Variants in UGGT2 observed in about 807,000 individuals in gnomAD.
UGGT2 encodes UDP-glucose:glycoprotein glucosyltransferase 2.
Under a neutral mutation model 192.1 loss-of-function variants are expected in UGGT2, and 180 were observed. The ratio of observed to expected loss-of-function variants is 0.94; its 90% CI spans 0.83 to 1.06. UGGT2 has a LOEUF of 1.06. Among genes scored for constraint, UGGT2 ranks in the 50% least tolerant of loss-of-function variants. The pLI is 0.00. For missense variants in UGGT2, 1,849 were observed against 1,795.7 expected, an observed-to-expected ratio of 1.03 and a Z score of -0.54; for synonymous variants, 580 against 591.0, an observed-to-expected ratio of 0.98 and a Z score of 0.27.
At chr13:95,895,713 T>C (rs1172316859) in intron 22 of UGGT2, among the ~76,000 whole-genome samples, 1 of 152,078 alleles carries the variant, frequency 6.6e-6, no homozygotes, top group Non-Finnish European at 1.5e-5. Context: ...AAAAATCTTT[T>C]AATTTCAATT....
At chr13:96,046,778 C>T (rs780513567) in intron 1 of UGGT2, among the ~76,000 whole-genome samples, 37 of 152,312 alleles carry the variant, frequency 2.4e-4, no homozygotes, top group East Asian at 1.5e-3. Context: ...CCTAATACTG[C>T]GCTTTTCCAA....
intron 15 of UGGT2, among the ~76,000 whole-genome samples, chr13:95,941,371 A>G (rs1359664308): frequency 1.3e-5 from 2 of 152,180 alleles, no homozygotes; most frequent in African/African-American, 4.8e-5. Flanking sequence ...TTTGTACCCT[A>G]TTCCTTTAAG....
intron 17 of UGGT2, among the ~76,000 whole-genome samples, chr13:95,935,167 T>A (rs1173539440): frequency 1.3e-5 from 2 of 152,342 alleles, no homozygotes; most frequent in East Asian, 3.9e-4. Context: ...CTGTGCCTTT[T>A]AAGTGAGGCA....
At chr13:96,037,617 CTG>C (rs1005416874) in intron 1 of UGGT2, among the ~76,000 whole-genome samples, 3 of 151,964 alleles carry the variant, frequency 2.0e-5, no homozygotes, top group East Asian at 1.9e-4. Context: ...TGAAAAATAT[CTG>C]TGTGTGTGTG....
In UGGT2 at chr13:95,956,537, T is replaced by C. The variant is rs574162051; in HGVS notation, c.1336-7083A>G. ...TATTCCTCTAGAGAAGATATACAAATGGCCAACAGGTATTATGAATCAATG... is the reference window on the plus strand; with the variant it reads ...TATTCCTCTAGAGAAGATATACAAACGGCCAACAGGTATTATGAATCAATG... On this transcript the variant is annotated intron_variant, in intron 12 of 38. Coordinates refer to ENST00000376747, the MANE Select transcript of UGGT2 (RefSeq NM_020121.4). Among the ~76,000 whole-genome samples the C allele has an allele frequency of 3.1e-3, 472 of 152,286 alleles. 1 individual carries two copies. The highest frequency in any genetic ancestry group is 5.7e-3 in the Non-Finnish European group (390 of 68,022).
Position 96,000,146 on chromosome 13 carries a change from C to G in UGGT2, c.661-839G>C, listed in dbSNP as rs186381618. ...TGGCACATCTCAAGGGGTTAGAAAACAACTTTAACCTAGAGCTCAGCAAAC... is the reference window on the plus strand; with the variant it reads ...TGGCACATCTCAAGGGGTTAGAAAAGAACTTTAACCTAGAGCTCAGCAAAC... On this transcript the variant is annotated intron_variant, in intron 5 of 38. Coordinates refer to ENST00000376747, the MANE Select transcript of UGGT2 (RefSeq NM_020121.4). 3.3e-5 allele frequency among the ~76,000 whole-genome samples: 5 copies of G among 152,266 alleles called. No individual in the cohort carries two copies. In the East Asian group the frequency reaches 9.7e-4, roughly 29 times the overall value.
intron 29 of UGGT2, among the ~76,000 whole-genome samples, chr13:95,876,228 T>C (rs1891666388): frequency 6.6e-6 from 1 of 152,198 alleles, no homozygotes; most frequent in African/African-American, 2.4e-5. Context: ...AAATTGAATA[T>C]AACCCAGGGA....
At chr13:95,882,846 C>T (rs971865326) in intron 27 of UGGT2, among the ~76,000 whole-genome samples, 4 of 152,226 alleles carry the variant, frequency 2.6e-5, no homozygotes, top group African/African-American at 9.6e-5. Context: ...CCACTACAAA[C>T]ACTTCACAGT....
intron 15 of UGGT2, among the ~76,000 whole-genome samples, chr13:95,941,674 A>G (rs576965655): frequency 6.6e-6 from 1 of 152,356 alleles, no homozygotes; most frequent in Non-Finnish European, 1.5e-5. Flanking sequence ...TTACTCAGAC[A>G]TATCAACTCA....
At chr13:95,907,133 C>T (rs2048317157) in intron 20 of UGGT2, among the ~76,000 whole-genome samples, 1 of 152,206 alleles carries the variant, frequency 6.6e-6, no homozygotes, top group Non-Finnish European at 1.5e-5. Flanking sequence ...GCAGGTCCCA[C>T]ACCCACGGAG....
chr13:95,870,540 C>A (rs1160036350), intron 29 of UGGT2, among the ~76,000 whole-genome samples: 1 of 152,160 alleles, frequency 6.6e-6, no homozygotes, highest in East Asian at 1.9e-4. Context: ...GTGTTGCTGG[C>A]AGCAGCTTCT....
At chr13:95,902,734 T>A (rs2048143974) in intron 21 of UGGT2, 120 bp downstream of exon 21, 4 of 958,666 alleles carry the variant, frequency 4.2e-6, no homozygotes, top group Middle Eastern at 3.3e-4. Context: ...TGAAAAGGAA[T>A]GTTTATTATC....
At position 95,849,585 on chromosome 13, in the gene UGGT2, AT is replaced by A. The variant is rs1228536161; in HGVS notation, c.4284+3957del. Among the ~76,000 whole-genome samples, 5 of 151,486 alleles carry A rather than the reference AT, an allele frequency of 3.3e-5. No homozygotes were observed. In the East Asian group the frequency reaches 7.7e-4, roughly 23 times the overall value. On this transcript the variant is annotated intron_variant, in intron 36 of 38. Coordinates refer to ENST00000376747, the MANE Select transcript of UGGT2 (RefSeq NM_020121.4). ...AGTATCTTATGCAAAATAGCATTTA[AT>A]TTTTTATAAATAACTTTCTTTTATT...
At chr13:95,977,151 A>C (rs2050963793) in intron 10 of UGGT2, among the ~76,000 whole-genome samples, 1 of 152,338 alleles carries the variant, frequency 6.6e-6, no homozygotes, top group South Asian at 2.1e-4. Context: ...CAAAGACTTC[A>C]TGACTAAAAT....
chr13:95,853,839 T>A (rs1889302735), intron 35 of UGGT2, among the ~76,000 whole-genome samples, 182 bp from the exon 36 acceptor site: 1 of 152,214 alleles, frequency 6.6e-6, no homozygotes, highest in South Asian at 2.1e-4. Flanking sequence ...TTTAAGTTTG[T>A]TTTAATTTTG....
At chr13:95,848,077 A>G (rs1281443278) in intron 36 of UGGT2, among the ~76,000 whole-genome samples, 1 of 152,164 alleles carries the variant, frequency 6.6e-6, no homozygotes, top group Non-Finnish European at 1.5e-5. Flanking sequence ...ATCTGCTCAT[A>G]TGCTTATATG....
chr13:95,972,136 ATTTTTT>A (rs10568232), intron 11 of UGGT2, among the ~76,000 whole-genome samples: 1 of 141,770 alleles, frequency 7.1e-6, no homozygotes, highest in Non-Finnish European at 1.6e-5. Context: ...ATTTTGAAGA[ATTTTTT>A]TTTTTTTTTT....
chr13:95,984,940 T>C (rs1424616124), intron 9 of UGGT2: 2 of 152,792 alleles, frequency 1.3e-5, no homozygotes. Flanking sequence ...TTAGCAAATA[T>C]TTCATTTCAA....
At chr13:96,038,974 T>A (rs1299802234) in intron 1 of UGGT2, among the ~76,000 whole-genome samples, 1 of 152,144 alleles carries the variant, frequency 6.6e-6, no homozygotes, top group African/African-American at 2.4e-5. Flanking sequence ...AGAAAACAAG[T>A]TATGTTTCCA....
Sources: gnomAD v4.1 joint callset for allele counts (sites outside exome capture counted in the v4.1 genomes callset) on GRCh38, gnomAD v4.1.1 for gene constraint, MANE v1.5 for transcripts, NCBI Gene and HGNC (gene_info 2026-07-23, HGNC 2026-07-21) for gene names.